The following SEMA5A variants were observed in gnomAD, a reference collection of about 807,000 sequenced individuals.
SEMA5A encodes the protein semaphorin-5A.
A neutral mutation model predicts 135.5 loss-of-function variants in SEMA5A; 55 were observed. The observed-to-expected ratio is 0.41, with a 90% CI of 0.33 to 0.51. The LOEUF (loss-of-function observed/expected upper bound fraction) is 0.51. Ranked by LOEUF, SEMA5A falls within the 20% of genes least tolerant of loss-of-function variation. The probability of loss-of-function intolerance (pLI) is 0.37; values close to 1 mark genes in which losing one functional copy is unlikely to be tolerated. For missense variants in SEMA5A, 1,290 were observed against 1,419.9 expected, an observed-to-expected ratio of 0.91 and a Z score of 1.47; for synonymous variants, 580 against 546.5, an observed-to-expected ratio of 1.06 and a Z score of -0.85.
intron 16 of SEMA5A, among the ~76,000 whole-genome samples, chr5:9,078,284 C>G (rs538135980): frequency 6.6e-6 from 1 of 152,152 alleles, no homozygotes; most frequent in Non-Finnish European, 1.5e-5. Flanking sequence ...GAGGCATCTG[C>G]CTTTTATTTC....
chr5:9,197,959 A>T (rs183516358), intron 9 of SEMA5A, among the ~76,000 whole-genome samples: 237 of 152,286 alleles, frequency 1.6e-3, no homozygotes, highest in Non-Finnish European at 2.7e-3. Context: ...TCCTGAAGCC[A>T]TAATTTAGAA....
chr5:9,532,907 G>T (rs1275536032), intron 1 of SEMA5A, among the ~76,000 whole-genome samples: 2 of 152,106 alleles, frequency 1.3e-5, no homozygotes, highest in Non-Finnish European at 2.9e-5. Flanking sequence ...GGTATTAATG[G>T]TCCTTACCAC....
intron 5 of SEMA5A, among the ~76,000 whole-genome samples, chr5:9,287,370 A>C (rs1750849990): frequency 6.6e-6 from 1 of 152,238 alleles, no homozygotes; most frequent in Non-Finnish European, 1.5e-5. Flanking sequence ...AGCAGAATAG[A>C]CACTACATCC....
chr5:9,400,500 CATTTTTTTTTTTT>C (rs1394357273), intron 2 of SEMA5A, among the ~76,000 whole-genome samples: 1 of 85,406 alleles, frequency 1.2e-5, no homozygotes, highest in African/African-American at 4.8e-5. Flanking sequence ...ACACAATGTA[CATTTTTTTTTTTT>C]TTTTTTTTTT....
chr5:9,167,057 T>C (rs1043483458), intron 11 of SEMA5A, among the ~76,000 whole-genome samples: 7 of 152,162 alleles, frequency 4.6e-5, no homozygotes, highest in Non-Finnish European at 7.3e-5. Flanking sequence ...GAAAAATCTA[T>C]GCTAAGCACT....
At chr5:9,289,082 T>C (rs997293447) in intron 5 of SEMA5A, among the ~76,000 whole-genome samples, 2 of 152,356 alleles carry the variant, frequency 1.3e-5, no homozygotes, top group East Asian at 3.9e-4. Flanking sequence ...TTTTCACAAA[T>C]GTTTTTCTCC....
chr5:9,237,222 A>G (rs1036802358), intron 6 of SEMA5A, among the ~76,000 whole-genome samples: 3 of 152,214 alleles, frequency 2.0e-5, no homozygotes, highest in Non-Finnish European at 2.9e-5. Context: ...TCTCAAAGAC[A>G]CATAGTCTTC....
intron 16 of SEMA5A, among the ~76,000 whole-genome samples, chr5:9,093,933 C>T (rs1389530003): frequency 6.6e-6 from 1 of 152,160 alleles, no homozygotes; most frequent in Admixed American, 6.5e-5. Context: ...CTTAACTTGG[C>T]CGAGTCCTGC....
At chr5:9,351,692 G>T (rs1754123177) in intron 3 of SEMA5A, among the ~76,000 whole-genome samples, 1 of 152,168 alleles carries the variant, frequency 6.6e-6, no homozygotes, top group Non-Finnish European at 1.5e-5. Flanking sequence ...CAGAAGAAAA[G>T]TCAGATCCCA....
At chr5:9,345,610 AC>A (rs1753830004) in intron 3 of SEMA5A, among the ~76,000 whole-genome samples, 1 of 151,914 alleles carries the variant, frequency 6.6e-6, no homozygotes, top group African/African-American at 2.4e-5. Context: ...ATTTTAAATG[AC>A]CAAAATTATA....
intron 22 of SEMA5A, chr5:9,043,283 A>G (rs76655621): frequency 0.01 from 3,358 of 332,456 alleles, 109 homozygotes; most frequent in African/African-American, 0.064. Flanking sequence ...AGGAGGTAAG[A>G]AAATCTAAAT....
intron 4 of SEMA5A, among the ~76,000 whole-genome samples, chr5:9,321,040 G>A (rs1392436625): frequency 6.6e-6 from 1 of 152,088 alleles, no homozygotes. Flanking sequence ...GGAGGTGATT[G>A]GATCATGGGG....
At chr5:9,513,749 A>T (rs1354491910) in intron 1 of SEMA5A, among the ~76,000 whole-genome samples, 1 of 152,150 alleles carries the variant, frequency 6.6e-6, no homozygotes. Flanking sequence ...CGTTTTAATT[A>T]TCCCCTTATT....
chr5:9,303,278 G>A (rs369111950), intron 5 of SEMA5A, among the ~76,000 whole-genome samples: 4 of 151,816 alleles, frequency 2.6e-5, no homozygotes, highest in Admixed American at 6.6e-5. Context: ...CACCATGCCC[G>A]GCTAATTTTT....
rs534040509 is a variant in SEMA5A at position 9,503,761 on chromosome 5, A to G, written c.-175+41823T>C. ...GCCACACTGGGAATATTATAAAACA[A>G]CTTCTTAGGATGAAACAAAAATTAA... On this transcript the variant is annotated intron_variant, in intron 1 of 22. Transcript: ENST00000382496. Among the ~76,000 whole-genome samples, 377 of 152,334 alleles carry G rather than the reference A, an allele frequency of 2.5e-3. 5 individuals carry two copies. Among genetic ancestry groups the G allele is most frequent in the Admixed American group, 3.2e-3 (49 of 15,296 alleles).
intron 12 of SEMA5A, among the ~76,000 whole-genome samples, chr5:9,153,542 T>C (rs966752071): frequency 1.2e-4 from 19 of 152,008 alleles, no homozygotes; most frequent in African/African-American, 4.6e-4. Flanking sequence ...CCTCCCTCCC[T>C]ACCCTCTCTG....
chr5:9,487,394 G>A (rs1169098568), intron 1 of SEMA5A, among the ~76,000 whole-genome samples: 2 of 152,168 alleles, frequency 1.3e-5, no homozygotes, highest in Non-Finnish European at 2.9e-5. Context: ...AAAGGTCACA[G>A]AGGTAGGAAG....
At chr5:9,047,138 TCTTA>T (rs1180555901) in intron 21 of SEMA5A, among the ~76,000 whole-genome samples, 2 of 152,196 alleles carry the variant, frequency 1.3e-5, no homozygotes, top group African/African-American at 2.4e-5. Context: ...TCACACAAGT[TCTTA>T]CTTCTTCTCT....
At chr5:9,103,100 A>G (rs1288104681) in intron 16 of SEMA5A, among the ~76,000 whole-genome samples, 3 of 152,170 alleles carry the variant, frequency 2.0e-5, no homozygotes, top group South Asian at 2.1e-4. Flanking sequence ...AGGGAGACAC[A>G]GCACCCTGGA....
Sources: gnomAD v4.1 joint callset for allele counts (sites outside exome capture counted in the v4.1 genomes callset) on GRCh38, gnomAD v4.1.1 for gene constraint, MANE v1.5 for transcripts, NCBI Gene and HGNC (gene_info 2026-07-23, HGNC 2026-07-21) for gene names.